The following CALN1 variants were observed in gnomAD, a reference collection of about 807,000 sequenced individuals.
CALN1 encodes the protein calcium-binding protein 8.
In CALN1, 17 loss-of-function variants were observed where a neutral mutation model predicts 30.6. The ratio of observed to expected loss-of-function variants is 0.56; its 90% CI spans 0.38 to 0.83. The LOEUF (loss-of-function observed/expected upper bound fraction) is 0.83. Among genes scored for constraint, CALN1 ranks in the 40% least tolerant of loss-of-function variants. CALN1 has a pLI of 0.00. For missense variants in CALN1, 291 were observed against 354.9 expected, an observed-to-expected ratio of 0.82 and a Z score of 1.45; for synonymous variants, 156 against 131.4, an observed-to-expected ratio of 1.19 and a Z score of -1.28.
Position 72,322,431 on chromosome 7 carries a change from C to T in CALN1, c.120-43621G>A, listed in dbSNP as rs573126086. Among the ~76,000 whole-genome samples the T allele has an allele frequency of 7.9e-5, 12 of 152,286 alleles. No individual in the cohort carries two copies. The East Asian group carries it at 2.3e-3, about 29-fold the overall frequency. ...GGTTCCTAACAGGCCATGGACCAGT[C>T]AGTACCCATCCATGGCCAAGGGGTT... On this transcript the variant is annotated intron_variant, in intron 2 of 6. Coordinates refer to ENST00000395275, the MANE Select transcript of CALN1 (RefSeq NM_031468.4).
At chr7:72,163,383 A>C (rs1240258484) in intron 3 of CALN1, among the ~76,000 whole-genome samples, 1 of 105,752 alleles carries the variant, frequency 9.5e-6, no homozygotes, top group Non-Finnish European at 1.9e-5. Context: ...AAAAAAACTT[A>C]TTGGAGATTA....
At chr7:72,375,690 C>A (rs1231365298) in intron 2 of CALN1, among the ~76,000 whole-genome samples, 1 of 152,028 alleles carries the variant, frequency 6.6e-6, no homozygotes, top group Non-Finnish European at 1.5e-5. Flanking sequence ...CTATATTGCC[C>A]AGGCTGGTCT....
intron 5 of CALN1, among the ~76,000 whole-genome samples, chr7:71,879,267 TCTCTGTC>T (rs1792428506): frequency 6.6e-6 from 1 of 152,208 alleles, no homozygotes; most frequent in Non-Finnish European, 1.5e-5. Context: ...AAGATGATTA[TCTCTGTC>T]CTCTGAGTAG....
intron 2 of CALN1, among the ~76,000 whole-genome samples, chr7:72,342,575 C>T (rs1488690278): frequency 6.6e-6 from 1 of 152,152 alleles, no homozygotes; most frequent in Non-Finnish European, 1.5e-5. Flanking sequence ...AGCATAAGTT[C>T]TCTCTCTAAC....
chr7:72,443,977 C>T (rs1808442357), intron 1 of CALN1, among the ~76,000 whole-genome samples: 1 of 143,188 alleles, frequency 7.0e-6, no homozygotes, highest in African/African-American at 2.6e-5. Context: ...TGCACTCCAG[C>T]CTGGGTGACA....
chr7:72,146,587 T>C (rs555073080), intron 3 of CALN1, among the ~76,000 whole-genome samples: 186 of 152,302 alleles, frequency 1.2e-3, no homozygotes, highest in Non-Finnish European at 2.3e-3. Flanking sequence ...AAGCTACTAA[T>C]GACTTTCTTC....
chr7:72,134,783 C>A (rs1375705295), intron 3 of CALN1, among the ~76,000 whole-genome samples: 1 of 152,098 alleles, frequency 6.6e-6, no homozygotes, highest in Non-Finnish European at 1.5e-5. Flanking sequence ...TAGATGGACT[C>A]TTCATTTCAT....
chr7:71,962,180 G>T (rs1425338033), intron 5 of CALN1, among the ~76,000 whole-genome samples: 1 of 151,634 alleles, frequency 6.6e-6, no homozygotes, highest in Non-Finnish European at 1.5e-5. Flanking sequence ...ATCACTTGAG[G>T]CCAGGAGTTT....
At chr7:72,382,283 TTGA>T (rs1804949977) in intron 2 of CALN1, among the ~76,000 whole-genome samples, 2 of 152,132 alleles carry the variant, frequency 1.3e-5, no homozygotes, top group African/African-American at 2.4e-5. Flanking sequence ...GAGGGCCATC[TTGA>T]TGATGAACGA....
At chr7:72,054,287 A>G (rs1803034385) in intron 4 of CALN1, among the ~76,000 whole-genome samples, 1 of 151,574 alleles carries the variant, frequency 6.6e-6, no homozygotes, top group Non-Finnish European at 1.5e-5. Context: ...TGACTTTTTC[A>G]TAGTAGCCAT....
chr7:71,868,087 A>G (rs1045518122), intron 5 of CALN1, among the ~76,000 whole-genome samples: 1 of 152,170 alleles, frequency 6.6e-6, no homozygotes, highest in Non-Finnish European at 1.5e-5. Context: ...CTGCTTTGAA[A>G]TATTTATGCT....
intron 3 of CALN1, among the ~76,000 whole-genome samples, chr7:72,112,507 C>A (rs1003084433): frequency 6.6e-6 from 1 of 152,094 alleles, no homozygotes; most frequent in Non-Finnish European, 1.5e-5. Flanking sequence ...TTCAGCGAGG[C>A]TAGGCAAGGC....
chr7:72,060,398 T>A (rs912015983), intron 4 of CALN1, among the ~76,000 whole-genome samples: 1 of 152,050 alleles, frequency 6.6e-6, no homozygotes, highest in Non-Finnish European at 1.5e-5. Flanking sequence ...TTGCTGGACA[T>A]AGGAATGAAA....
chr7:71,888,134 T>C (rs1286874744), intron 5 of CALN1, among the ~76,000 whole-genome samples: 1 of 151,940 alleles, frequency 6.6e-6, no homozygotes, highest in African/African-American at 2.4e-5. Context: ...GGCAATGTAA[T>C]ATAAGAAGAG....
chr7:72,309,730 G>A (rs546521623), intron 2 of CALN1, among the ~76,000 whole-genome samples: 54 of 152,250 alleles, frequency 3.5e-4, no homozygotes, highest in Non-Finnish European at 5.9e-4. Flanking sequence ...GAAAGACAGC[G>A]CTGGACCACT....
chr7:72,407,250 T>A (rs756039334), intron 1 of CALN1, among the ~76,000 whole-genome samples: 38 of 152,224 alleles, frequency 2.5e-4, no homozygotes, highest in Non-Finnish European at 4.6e-4. Flanking sequence ...TTTCCTGATC[T>A]GCAAAATGAA....
intron 5 of CALN1, among the ~76,000 whole-genome samples, chr7:72,000,533 A>G (rs551001239): frequency 2.6e-5 from 4 of 152,224 alleles, no homozygotes; most frequent in South Asian, 4.1e-4. Context: ...AATTTAAAAG[A>G]TTTTGAAAAA....
At chr7:71,876,859 G>T (rs562541615) in intron 5 of CALN1, among the ~76,000 whole-genome samples, 16 of 152,172 alleles carry the variant, frequency 1.1e-4, no homozygotes, top group Non-Finnish European at 1.9e-4. Flanking sequence ...TGTTATCAAT[G>T]ATTACCTTTT....
intron 3 of CALN1, among the ~76,000 whole-genome samples, chr7:72,143,023 G>A (rs1164497384): frequency 6.6e-6 from 1 of 152,066 alleles, no homozygotes; most frequent in African/African-American, 2.4e-5. Context: ...CAAAGATGGG[G>A]AAAAAACAGA....
Sources: allele counts gnomAD v4.1 joint callset (sites outside exome capture counted in the v4.1 genomes callset), GRCh38; gene constraint gnomAD v4.1.1; transcripts MANE v1.5; gene names NCBI Gene and HGNC (gene_info 2026-07-23, HGNC 2026-07-21).